PBX3: variants seen among roughly 807,000 people sequenced by gnomAD.
PBX3 encodes PBX homeobox 3.
Under a neutral mutation model 48.5 loss-of-function variants are expected in PBX3, and 14 were observed. The observed-to-expected ratio is 0.29, with a 90% CI of 0.19 to 0.45. The LOEUF is 0.45. Among genes scored for constraint, PBX3 ranks in the 20% least tolerant of loss-of-function variants. The pLI is 1.00. For synonymous variants in PBX3, 210 were observed against 200.3 expected (o/e 1.05, Z -0.41); for missense variants, 386 against 546.7 (o/e 0.71, Z 2.93).
chr9:125,850,183 CAGAAAT>C (rs1422718558), intron 2 of PBX3, among the ~76,000 whole-genome samples: 6 of 152,028 alleles, frequency 3.9e-5, no homozygotes, highest in African/African-American at 1.4e-4. Context: ...ATTTTACTAA[CAGAAAT>C]AGAGTGAAAA....
chr9:125,762,239 A>G (rs1836688369), intron 2 of PBX3, among the ~76,000 whole-genome samples: 1 of 152,106 alleles, frequency 6.6e-6, no homozygotes, highest in Non-Finnish European at 1.5e-5. Flanking sequence ...TCATGACTGT[A>G]TTCCCTTTCT....
intron 2 of PBX3, among the ~76,000 whole-genome samples, chr9:125,771,078 A>G (rs142687049): frequency 1.9e-3 from 285 of 152,304 alleles, no homozygotes; most frequent in Middle Eastern, 6.8e-3. Flanking sequence ...TGTGTTGGTG[A>G]TGATATACTT....
chr9:125,798,985 A>G (rs1424965779), intron 2 of PBX3, among the ~76,000 whole-genome samples: 1 of 152,074 alleles, frequency 6.6e-6, no homozygotes. Context: ...TTAAGGTTTT[A>G]TTTGCATTCT....
intron 2 of PBX3, among the ~76,000 whole-genome samples, chr9:125,830,555 G>A (rs1838930248): frequency 6.6e-6 from 1 of 151,856 alleles, no homozygotes; most frequent in Admixed American, 6.6e-5. Context: ...CCCCCAAATT[G>A]GCTACTTACA....
intron 2 of PBX3, among the ~76,000 whole-genome samples, chr9:125,867,473 G>C (rs1281465385): frequency 6.6e-6 from 1 of 151,380 alleles, no homozygotes; most frequent in African/African-American, 2.4e-5. Flanking sequence ...AACCCCATCT[G>C]TACTAAAAAT....
At chr9:125,820,577 C>A (rs1444965863) in intron 2 of PBX3, among the ~76,000 whole-genome samples, 1 of 152,218 alleles carries the variant, frequency 6.6e-6, no homozygotes. Context: ...ACACCAAGTG[C>A]TGTGATTCTG....
intron 2 of PBX3, among the ~76,000 whole-genome samples, chr9:125,888,607 T>C (rs1840559697): frequency 6.6e-6 from 1 of 152,008 alleles, no homozygotes. Context: ...CTCTCCTAGA[T>C]TGGGTACAAA....
intron 2 of PBX3, among the ~76,000 whole-genome samples, chr9:125,892,108 A>C (rs1840660497): frequency 6.6e-6 from 1 of 151,928 alleles, no homozygotes; most frequent in Non-Finnish European, 1.5e-5. Context: ...TTTTTAGTAG[A>C]GATGAGGTTT....
chr9:125,914,163 A>G (rs929433331), intron 2 of PBX3, among the ~76,000 whole-genome samples: 1 of 152,202 alleles, frequency 6.6e-6, no homozygotes, highest in Admixed American at 6.5e-5. Flanking sequence ...AATTATCAGC[A>G]GTGTGTTGGT....
At chr9:125,766,796 T>C (rs1409001391) in intron 2 of PBX3, among the ~76,000 whole-genome samples, 1 of 152,150 alleles carries the variant, frequency 6.6e-6, no homozygotes, top group Non-Finnish European at 1.5e-5. Flanking sequence ...AATGATAAAT[T>C]AAATAATTAT....
At chr9:125,929,586 C>T in intron 3 of PBX3, 69 bp from the exon 4 acceptor site, 3 of 1,114,806 alleles carry the variant, frequency 2.7e-6, no homozygotes, top group South Asian at 1.5e-5. Flanking sequence ...GGTGTAAATT[C>T]AGATGAGTGA....
chr9:125,802,969 G>A (rs563240147), intron 2 of PBX3, among the ~76,000 whole-genome samples: 254 of 151,898 alleles, frequency 1.7e-3, no homozygotes, highest in African/African-American at 5.9e-3. Flanking sequence ...GTGAGCCACC[G>A]TGCCTGGCTG....
At chr9:125,893,135 C>T (rs544097035) in intron 2 of PBX3, among the ~76,000 whole-genome samples, 1 of 152,270 alleles carries the variant, frequency 6.6e-6, no homozygotes, top group South Asian at 2.1e-4. Flanking sequence ...TCCTGTAGTT[C>T]TTGTTAACAA....
chr9:125,824,279 T>C (rs567438951), intron 2 of PBX3, among the ~76,000 whole-genome samples: 10 of 152,086 alleles, frequency 6.6e-5, no homozygotes, highest in Non-Finnish European at 1.3e-4. Flanking sequence ...GAGTGAAAAA[T>C]GACTGGTCCG....
At chr9:125,772,034 T>C (rs1836953059) in intron 2 of PBX3, among the ~76,000 whole-genome samples, 2 of 152,196 alleles carry the variant, frequency 1.3e-5, no homozygotes, top group Non-Finnish European at 2.9e-5. Context: ...GGTAGATATA[T>C]GAAAAGTAGA....
chr9:125,871,445 G>T (rs932715785), intron 2 of PBX3, among the ~76,000 whole-genome samples: 2 of 151,308 alleles, frequency 1.3e-5, no homozygotes, highest in Non-Finnish European at 2.9e-5. Flanking sequence ...CAACAATAAT[G>T]AATAGGTCAA....
intron 2 of PBX3, among the ~76,000 whole-genome samples, chr9:125,855,586 A>G (rs1056577779): frequency 2.6e-5 from 4 of 152,194 alleles, no homozygotes; most frequent in East Asian, 3.8e-4. Context: ...TCATGTTGAC[A>G]GTATATCAAA....
At chr9:125,927,931 A>G (rs1199114701) in intron 3 of PBX3, among the ~76,000 whole-genome samples, 2 of 152,176 alleles carry the variant, frequency 1.3e-5, no homozygotes, top group Non-Finnish European at 2.9e-5. Context: ...CTGTAATCCT[A>G]GCACTTCGGG....
chr9:125,841,162 A>C (rs958098138), intron 2 of PBX3, among the ~76,000 whole-genome samples: 2 of 152,178 alleles, frequency 1.3e-5, no homozygotes, highest in Non-Finnish European at 2.9e-5. Context: ...AGGTTTAATA[A>C]ATTGTCTAAG....
Sources: gnomAD v4.1 joint callset for allele counts (sites outside exome capture counted in the v4.1 genomes callset) on GRCh38, gnomAD v4.1.1 for gene constraint, MANE v1.5 for transcripts, NCBI Gene and HGNC (gene_info 2026-07-23, HGNC 2026-07-21) for gene names.